The following CMYA5 variants were observed in gnomAD, a reference collection of about 807,000 sequenced individuals.
CMYA5 encodes the protein cardiomyopathy associated 5.
CMYA5 carries 246 observed loss-of-function variants against 318.9 expected under a neutral mutation model. The ratio of observed to expected loss-of-function variants is 0.77; its 90% confidence interval spans 0.70 to 0.86. CMYA5 has a LOEUF of 0.86. Ranked by LOEUF, CMYA5 falls within the 40% of genes least tolerant of loss-of-function variation. CMYA5 has a pLI of 0.00. For missense variants in CMYA5, 4,589 were observed against 4,678.2 expected, an observed-to-expected ratio of 0.98 and a Z score of 0.56; for synonymous variants, 1,641 against 1,729.5, an observed-to-expected ratio of 0.95 and a Z score of 1.27.
intron 1 of CMYA5, among the ~76,000 whole-genome samples, chr5:79,697,587 C>A (rs1383671852): frequency 6.6e-6 from 1 of 152,168 alleles, no homozygotes; most frequent in African/African-American, 2.4e-5. Flanking sequence ...CTGATATAGG[C>A]ATTGTTTTCA....
intron 2 of CMYA5, among the ~76,000 whole-genome samples, chr5:79,742,044 TCTC>T (rs1343124589): frequency 2.6e-5 from 2 of 77,298 alleles, no homozygotes; most frequent in Admixed American, 1.3e-4. Flanking sequence ...CCTCCCTCTT[TCTC>T]CTCTTCTTCT....
chr5:79,767,097 A>AT (rs1828769422), intron 9 of CMYA5, among the ~76,000 whole-genome samples: 1 of 152,026 alleles, frequency 6.6e-6, no homozygotes, highest in Admixed American at 6.6e-5. Context: ...TTGCATAGAG[A>AT]TGTTTATAGT....
At chr5:79,712,691 A>T (rs1827420316) in intron 1 of CMYA5, among the ~76,000 whole-genome samples, 1 of 152,186 alleles carries the variant, frequency 6.6e-6, no homozygotes, top group African/African-American at 2.4e-5. Flanking sequence ...TGCAAATTTA[A>T]TACAAAAAAT....
chr5:79,799,873 A>C lies in CMYA5; in HGVS notation c.*257A>C. 14 of 142,340 alleles carry C rather than the reference A, an allele frequency of 9.8e-5. No homozygotes were observed. Among genetic ancestry groups the C allele is most frequent in the East Asian group, 1.7e-4 (1 of 6,006 alleles). The allele number at this position is 142,340 out of a possible 1,614,324, so 8.8% of individuals were successfully genotyped here. On this transcript the variant is annotated 3_prime_UTR_variant, in exon 13 of 13. Transcript: ENST00000446378. ...AAGTTTGAGTTCTTTCCTAAATTAA[A>C]AGATCTACACTTGAGTTGGGAACCG... is the stretch of plus-strand genomic sequence containing the variant.
intron 7 of CMYA5, among the ~76,000 whole-genome samples, chr5:79,759,369 T>C (rs1364168384): frequency 6.6e-6 from 1 of 152,202 alleles, no homozygotes; most frequent in Admixed American, 6.5e-5. Context: ...ATGTCATGGG[T>C]GGCAGTTTCT....
At chr5:79,709,024 G>A (rs1381221919) in intron 1 of CMYA5, among the ~76,000 whole-genome samples, 2 of 152,152 alleles carry the variant, frequency 1.3e-5, no homozygotes, top group Non-Finnish European at 2.9e-5. Context: ...CAGTAAATCT[G>A]AAGTATTGTA....
rs772924027 is a variant in CMYA5, at chr5:79,730,212, GAGA to G, written c.1450_1452del (p.Lys484del). ...CCCTACCCATCCCAGTGTCAAAGGA[GAGA>G]AGGAGGAAAACATGCTTGAGCCATC... On this transcript the variant is annotated inframe_deletion, in exon 2 of 13. Transcript: ENST00000446378. 8.7e-6 allele frequency: 14 copies of G among 1,614,000 alleles called. No homozygotes were observed. The African/African-American group carries it at 1.9e-4, about 22-fold the overall frequency.
chr5:79,797,339 A>G (rs1057048822), intron 12 of CMYA5, among the ~76,000 whole-genome samples: 1 of 152,240 alleles, frequency 6.6e-6, no homozygotes, highest in Non-Finnish European at 1.5e-5. Flanking sequence ...TCAAAATACT[A>G]TTATAAAAAA....
chr5:79,752,360 G>T (rs1042571703), intron 5 of CMYA5, among the ~76,000 whole-genome samples: 1 of 152,064 alleles, frequency 6.6e-6, no homozygotes, highest in Admixed American at 6.6e-5. Context: ...AGGAAATAAA[G>T]AAAATAATCC....
chr5:79,706,226 T>C (rs1827270245), intron 1 of CMYA5, among the ~76,000 whole-genome samples: 1 of 152,120 alleles, frequency 6.6e-6, no homozygotes, highest in South Asian at 2.1e-4. Context: ...TTAGGGTCAT[T>C]TGATTATGAG....
At chr5:79,773,874 C>G (rs1307086112) in intron 9 of CMYA5, among the ~76,000 whole-genome samples, 2 of 152,120 alleles carry the variant, frequency 1.3e-5, no homozygotes, top group Non-Finnish European at 1.5e-5. Context: ...CTTCAAAGCT[C>G]TGGTATGGTG....
Position 79,734,390 on chromosome 5 carries a change from G to A in CMYA5, c.5625G>A (p.Ala1875=), listed in dbSNP as rs756799231. The A allele has an allele frequency of 2.4e-5, 39 of 1,613,672 alleles. No individual in the cohort carries two copies. The highest frequency in any genetic ancestry group is 1.6e-4 in the East Asian group (7 of 44,888). The change falls in exon 2 of 13, where the codon GCG becomes GCA. Residue 1875 remains alanine (A), a synonymous_variant. Transcript: ENST00000446378. The part of the protein sequence containing the change: ...QSKSFMTTKP[A]DVKETKMEEF... Reference sequence around the variant, plus strand: ...AATCATTTATGACAACCAAGCCTGCGGATGTCAAAGAAACAAAAATGGAAG... The same window carrying A: ...AATCATTTATGACAACCAAGCCTGCAGATGTCAAAGAAACAAAAATGGAAG...
In CMYA5 at chr5:79,729,048, C is replaced by G; in HGVS notation, c.283C>G (p.Pro95Ala). Residue 95 changes from proline (P) to alanine (A), a missense_variant, in exon 2 of 13, where the codon CCT becomes GCT. This residue lies in a region of CMYA5 where 2,132 missense variants were observed against 2,131.3 expected (regional missense o/e 1.00). Transcript: ENST00000446378. ...WETNSSRSST[P>A]WASEESQTSG... ...AACCAATTCAAGTAGATCTTCTACT[C>G]CTTGGGCTTCAGAAGAAAGTCAGAC... 1 of 1,613,918 alleles carries G rather than the reference C, an allele frequency of 6.2e-7. No homozygotes were observed. Among genetic ancestry groups the G allele is most frequent in the Non-Finnish European group, 8.5e-7 (1 of 1,179,854 alleles).
intron 9 of CMYA5, among the ~76,000 whole-genome samples, chr5:79,778,843 A>G (rs1294638844): frequency 3.1e-4 from 16 of 51,624 alleles, no homozygotes; most frequent in East Asian, 2.8e-3. Context: ...GTGTATGTTT[A>G]TTCACTCATG....
In CMYA5 at chr5:79,734,388, G is replaced by A. The variant is rs1828000418; in HGVS notation, c.5623G>A (p.Ala1875Thr). Reference protein sequence around the residue: ...QSKSFMTTKPADVKETKMEEF... With the variant: ...QSKSFMTTKPTDVKETKMEEF... ...AAAATCATTTATGACAACCAAGCCT[G>A]CGGATGTCAAAGAAACAAAAATGGA... Residue 1875 changes from alanine to threonine, a missense_variant, in exon 2 of 13, where the codon GCG becomes ACG. Physicochemically the swap from Ala to Thr is moderately conservative, Grantham distance 58 (BLOSUM62 0). Around this residue, in one of 3 missense-constraint regions of CMYA5, gnomAD observed 26 missense variants for 51.8 expected, o/e 0.50. Coordinates refer to ENST00000446378, the MANE Select transcript of CMYA5 (RefSeq NM_153610.5). 6.2e-7 allele frequency: 1 copy of A among 1,613,860 alleles called. No individual in the cohort carries two copies. The highest frequency in any genetic ancestry group is 1.3e-5 in the African/African-American group (1 of 75,046).
At position 79,732,008 on chromosome 5, in the gene CMYA5, G is replaced by T; in HGVS notation, c.3243G>T (p.Pro1081=). Residue 1081 remains proline, a synonymous_variant, in exon 2 of 13, where the codon CCG becomes CCT. Coordinates refer to ENST00000446378, the MANE Select transcript of CMYA5 (RefSeq NM_153610.5). ...LMSPLEDLSL[P]PSTDKSEKAE... ...CTCCGCTTGAAGACTTAAGTCTGCC[G>T]CCTTCAACAGATAAATCAGAGAAAG... 1 of 1,613,836 alleles carries T rather than the reference G, an allele frequency of 6.2e-7. No individual in the cohort carries two copies. The highest frequency in any genetic ancestry group is 8.5e-7 in the Non-Finnish European group (1 of 1,179,826).
intron 1 of CMYA5, among the ~76,000 whole-genome samples, chr5:79,694,507 C>T (rs1827030314): frequency 6.6e-6 from 1 of 152,154 alleles, no homozygotes; most frequent in Non-Finnish European, 1.5e-5. Flanking sequence ...CTCTGTTGGT[C>T]AATTTTCATT....
rs372139811 is a variant in CMYA5, at chr5:79,735,790, A to G, written c.7025A>G (p.Asp2342Gly). ...ACTATTGTTCCTCCTCATGTTACTG[A>G]TAGTAAAAGAGTCCAGAAGCCAGCA... ...AKTIVPPHVT[D>G]SKRVQKPAIA... The change falls in exon 2 of 13, where the codon GAT becomes GGT. Residue 2342 changes from aspartate to glycine, a missense_variant. By Grantham distance (94) the Asp-to-Gly change is moderately conservative. Transcript: ENST00000446378. 3 of 1,554,802 alleles carry G rather than the reference A, an allele frequency of 1.9e-6. No individual in the cohort carries two copies. Among genetic ancestry groups the G allele is most frequent in the Non-Finnish European group, 2.6e-6 (3 of 1,159,148 alleles).
chr5:79,734,514 G>A lies in CMYA5; in HGVS notation c.5749G>A (p.Asp1917Asn), dbSNP rs1828005046. The change falls in exon 2 of 13, where the codon GAT (aspartate) becomes AAT (asparagine). Residue 1917 changes from aspartate to asparagine, a missense_variant. Coordinates refer to ENST00000446378, the MANE Select transcript of CMYA5 (RefSeq NM_153610.5). ...EQRIAGSVQL[D>N]SSSSNELRPG... ...GAGAATAGCAGGATCTGTGCAGCTG[G>A]ATTCCTCTAGCAGCAATGAGCTGAG... The A allele has an allele frequency of 1.2e-6, 2 of 1,613,786 alleles. No homozygotes were observed. Among genetic ancestry groups the A allele is most frequent in the South Asian group, 1.1e-5 (1 of 91,074 alleles).
Sources: gnomAD v4.1 joint callset for allele counts (sites outside exome capture counted in the v4.1 genomes callset) on GRCh38, gnomAD v4.1.1 for gene constraint, gnomAD v4.1.1 regional missense constraint, MANE v1.5 for transcripts, NCBI Gene and HGNC (gene_info 2026-07-23, HGNC 2026-07-21) for gene names.